The following ABCA8 variants were observed in gnomAD, a reference collection of about 807,000 sequenced individuals.
ABCA8 encodes the protein ABC-type organic anion transporter ABCA8.
A neutral mutation model predicts 192.3 loss-of-function variants in ABCA8; 177 were observed. The observed-to-expected ratio is 0.92, with a 90% CI of 0.81 to 1.04. The LOEUF is 1.04. Among genes scored for constraint, ABCA8 ranks in the 50% least tolerant of loss-of-function variants. ABCA8 has a pLI of 0.00. For missense variants in ABCA8, 1,915 were observed against 1,904.8 expected, an observed-to-expected ratio of 1.01 and a Z score of -0.10; for synonymous variants, 642 against 690.2, an observed-to-expected ratio of 0.93 and a Z score of 1.09.
In ABCA8 at chr17:68,907,750, A is replaced by G. The variant is rs1310298664; in HGVS notation, c.2268T>C (p.Asn756=). The G allele has an allele frequency of 1.3e-6, 2 of 1,588,758 alleles. No individual in the cohort carries two copies. The highest frequency in any genetic ancestry group is 1.8e-5 in the Admixed American group (1 of 54,632). ...LIYTLPLERT[N]KFPELYKDLD... is the part of the protein sequence containing the mutation. ...GTTCATGCACATTACCTGGAAATTT[A>G]TTTGTTCTTTCTAAGGGTAATGTAT... Residue 756 remains asparagine, a synonymous_variant, in exon 18 of 40, where the codon AAT becomes AAC. Coordinates refer to ENST00000586539, the MANE Select transcript of ABCA8 (RefSeq NM_001288985.2).
chr17:68,940,303 G>T (rs2068189367), intron 4 of ABCA8, among the ~76,000 whole-genome samples: 2 of 152,058 alleles, frequency 1.3e-5, no homozygotes, highest in African/African-American at 4.8e-5. Context: ...GGTGTTAAAA[G>T]GTAGGGTTAA....
In ABCA8 at chr17:68,902,937, C is replaced by G; in HGVS notation, c.2598-58G>C. ...ATGTCATTTCCTGATCTAATACTCT[C>G]TGAGCAGTTTATAATGTAATGGGAT... is the stretch of plus-strand genomic sequence containing the variant. On this transcript the variant is annotated intron_variant, in intron 20 of 39. Transcript: ENST00000586539. 2.8e-6 allele frequency: 4 copies of G among 1,427,396 alleles called. No individual in the cohort carries two copies. In the Admixed American group the frequency reaches 5.9e-5, roughly 21 times the overall value. 88.4% of individuals were successfully genotyped at this position (1,427,396 alleles called of 1,614,324 possible).
rs57339796 is a variant in ABCA8 at position 68,908,855 on chromosome 17, T to C, written c.2139-976A>G. 3.4e-3 allele frequency among the ~76,000 whole-genome samples: 512 copies of C among 152,330 alleles called. 4 individuals are homozygous for C. The highest frequency in any genetic ancestry group is 0.012 in the African/African-American group (499 of 41,572). Reference sequence around the variant, plus strand: ...TTACTTTATTAGAAAACTGGAATAATGATTCCCAGCCTCTAGGGTTATTCG... The same window carrying C: ...TTACTTTATTAGAAAACTGGAATAACGATTCCCAGCCTCTAGGGTTATTCG... On this transcript the variant is annotated intron_variant, in intron 17 of 39. Coordinates refer to ENST00000586539, the MANE Select transcript of ABCA8 (RefSeq NM_001288985.2).
intron 23 of ABCA8, 197 bp downstream of exon 23, chr17:68,893,976 C>G (rs4148000): frequency 0.36 from 179,884 of 503,364 alleles, 33,892 homozygotes; most frequent in African/African-American, 0.58. Context: ...ATGTTTTGTT[C>G]ATTTTATTTT....
At chr17:68,931,538 T>C (rs996269524) in intron 7 of ABCA8, among the ~76,000 whole-genome samples, 2 of 152,152 alleles carry the variant, frequency 1.3e-5, no homozygotes, top group African/African-American at 4.8e-5. Flanking sequence ...AAAGATTATC[T>C]TCCTCCTTTC....
In ABCA8 at chr17:68,887,431, C is replaced by T. The variant is rs1598201596; in HGVS notation, c.3220G>A (p.Val1074Ile). Residue 1074 changes from valine to isoleucine, a missense_variant, in exon 25 of 40, where the codon GTT becomes ATT. Coordinates refer to ENST00000586539, the MANE Select transcript of ABCA8 (RefSeq NM_001288985.2). ...ACGAAGACCAAGAAGTACAGGGAAA[C>T]ATCCACCAGCGCCTGCCCAAACCAG... ...AYWFGQALVD[V>I]SLYFLVFVFI... 3.7e-6 allele frequency: 6 copies of T among 1,613,804 alleles called. No individual in the cohort carries two copies. The highest frequency in any genetic ancestry group is 1.1e-5 in the South Asian group (1 of 91,018).
Position 68,940,910 on chromosome 17 carries a change from C to T in ABCA8, c.149G>A (p.Ser50Asn). Residue 50 changes from serine (S) to asparagine (N), a missense_variant, in exon 4 of 40, where the codon AGT (serine) becomes AAT (asparagine). By Grantham distance (46) the Ser-to-Asn change is conservative. Transcript: ENST00000586539. Reference protein sequence around the residue: ...LLLCLYIYPHSHQVNDFSSLL... With the variant: ...LLLCLYIYPHNHQVNDFSSLL... ...TGAAGAAAAATCATTTACTTGATGA[C>T]TATGAGGATATATATACAAACAAAG... 6.2e-7 allele frequency: 1 copy of T among 1,612,530 alleles called. No individual in the cohort carries two copies. The highest frequency in any genetic ancestry group is 8.5e-7 in the Non-Finnish European group (1 of 1,178,818).
At chr17:68,932,572 T>G (rs762196479) in intron 6 of ABCA8, 58 bp from the exon 7 acceptor site, 13 of 1,246,396 alleles carry the variant, frequency 1.0e-5, no homozygotes, top group African/African-American at 1.5e-5. Context: ...TGCAGTTTTC[T>G]TTTAACCATC....
At chr17:68,919,634 C>G in intron 13 of ABCA8, 158 bp from the exon 14 acceptor site, 1 of 624,204 alleles carries the variant, frequency 1.6e-6, no homozygotes, top group Non-Finnish European at 2.7e-6. Flanking sequence ...AAAATATGTT[C>G]TCATCTGCAG....
At chr17:68,869,417 A>G (rs1296425269) in intron 38 of ABCA8, among the ~76,000 whole-genome samples, 2 of 152,196 alleles carry the variant, frequency 1.3e-5, no homozygotes, top group African/African-American at 4.8e-5. Context: ...TCTTAAATGC[A>G]TATATAACTG....
Position 68,949,478 on chromosome 17 carries a change from A to G in ABCA8, c.-166-6T>C, listed in dbSNP as rs1196733376. 1 of 152,210 alleles carries G rather than the reference A, an allele frequency of 6.6e-6. No homozygotes were observed. Among genetic ancestry groups the G allele is most frequent in the African/African-American group, 2.4e-5 (1 of 41,442 alleles). The allele number at this position is 152,210 out of a possible 1,614,324, so 9.4% of individuals were successfully genotyped here. A position where few individuals can be genotyped will look rare whatever the true frequency, so the allele number is the denominator to read the frequency against. On this transcript the variant is annotated splice_polypyrimidine_tract_variant and splice_region_variant and intron_variant, in intron 1 of 39. Coordinates refer to ENST00000586539, the MANE Select transcript of ABCA8 (RefSeq NM_001288985.2). ...CATCATCCTGCTACCAAAACCTGGCAGAGACACAACAAAAAAGGAAAATTT... is the reference window on the plus strand; with the variant it reads ...CATCATCCTGCTACCAAAACCTGGCGGAGACACAACAAAAAAGGAAAATTT...
chr17:68,924,788 G>A lies in ABCA8; in HGVS notation c.1355C>T (p.Ala452Val). Residue 452 changes from alanine (A) to valine (V), a missense_variant, in exon 11 of 40, where the codon GCC becomes GTC. Ala to Val is a moderately conservative substitution (Grantham distance 64). Transcript: ENST00000586539. The part of the protein sequence containing the change: ...WSQTQKTDHV[A>V]LEDEMDADPS... Reference sequence around the variant, plus strand: ...ATCGGCATCCATTTCATCTTCAAGGGCCACGTGATCAGTCTTTTGTGTTTG... The same window carrying A: ...ATCGGCATCCATTTCATCTTCAAGGACCACGTGATCAGTCTTTTGTGTTTG... 1 of 1,614,070 alleles carries A rather than the reference G, an allele frequency of 6.2e-7. No homozygotes were observed. Among genetic ancestry groups the A allele is most frequent in the Middle Eastern group, 1.6e-4 (1 of 6,062 alleles).
chr17:68,870,731 A>G (rs573424214), intron 37 of ABCA8, among the ~76,000 whole-genome samples: 1 of 152,142 alleles, frequency 6.6e-6, no homozygotes, highest in African/African-American at 2.4e-5. Context: ...CATTTACTTC[A>G]TCCATTTATC....
At position 68,922,238 on chromosome 17, in the gene ABCA8, T is replaced by TTTTTTA; in HGVS notation, c.1501+3_1501+4insTAAAAA. The TTTTTTA allele has an allele frequency of 2.1e-6, 1 of 483,992 alleles. No homozygotes were observed. The highest frequency in any genetic ancestry group is 3.1e-6 in the Non-Finnish European group (1 of 324,888). The allele number at this position is 483,992 out of a possible 1,614,324, so 30.0% of individuals were successfully genotyped here. On this transcript the variant is annotated splice_donor_region_variant and intron_variant, in intron 12 of 39. Coordinates refer to ENST00000586539, the MANE Select transcript of ABCA8 (RefSeq NM_001288985.2). The stretch of plus-strand genomic sequence containing the variant: ...TTTTTTTTTTTTTTTTTTTTTTTTT[T>TTTTTTA]TACCTTTCAAGGCTTCTATTTTATC...
Position 68,932,394 on chromosome 17 carries a change from T to C in ABCA8, c.691A>G (p.Ile231Val). The C allele has an allele frequency of 6.2e-7, 1 of 1,613,830 alleles. No homozygotes were observed. Among genetic ancestry groups the C allele is most frequent in the Non-Finnish European group, 8.5e-7 (1 of 1,179,756 alleles). ...ITDLYLFSCI[I>V]SFSSFIYYAS... ...TAGTAAATGAATGAGGAAAATGAAATAATGCAGGAAAAAAGGTACAAATCA... is the reference window on the plus strand; with the variant it reads ...TAGTAAATGAATGAGGAAAATGAAACAATGCAGGAAAAAAGGTACAAATCA... Residue 231 changes from isoleucine (I) to valine (V), a missense_variant, in exon 7 of 40, where the codon ATT (isoleucine) becomes GTT (valine). Physicochemically the swap from Ile to Val is conservative, Grantham distance 29. Transcript: ENST00000586539.
chr17:68,919,677 C>A, intron 13 of ABCA8: 1 of 490,422 alleles, frequency 2.0e-6, no homozygotes, highest in Non-Finnish European at 3.6e-6. Flanking sequence ...CCTTTGTCTG[C>A]CCCTCACATT....
At chr17:68,888,127 T>C (rs1023977222) in intron 24 of ABCA8, among the ~76,000 whole-genome samples, 13 of 150,050 alleles carry the variant, frequency 8.7e-5, no homozygotes, top group Admixed American at 2.7e-4. Context: ...GCTTTATCCT[T>C]TAATTGGAAT....
chr17:68,925,268 A>C (rs897244205), intron 10 of ABCA8, among the ~76,000 whole-genome samples: 17 of 152,238 alleles, frequency 1.1e-4, no homozygotes, highest in African/African-American at 3.6e-4. Context: ...CTTTAAAAAA[A>C]ATCCAAAAGA....
At chr17:68,923,182 T>A (rs1356172278) in intron 11 of ABCA8, among the ~76,000 whole-genome samples, 1 of 144,862 alleles carries the variant, frequency 6.9e-6, no homozygotes, top group Non-Finnish European at 1.5e-5. Context: ...TAAAGCTATT[T>A]AATTAGATAT....
Sources: allele counts gnomAD v4.1 joint callset (sites outside exome capture counted in the v4.1 genomes callset), GRCh38; gene constraint gnomAD v4.1.1; transcripts MANE v1.5; gene names NCBI Gene and HGNC (gene_info 2026-07-23, HGNC 2026-07-21).